MOB3B: variants seen among roughly 807,000 people sequenced by gnomAD.
MOB3B encodes MOB kinase activator 3B, also known as MOB kinase activator-like 2B.
MOB3B carries 7 observed loss-of-function variants against 18.7 expected under a neutral mutation model. The observed-to-expected ratio is 0.37, with a 90% CI of 0.21 to 0.70. MOB3B has a LOEUF of 0.70. Ranked by LOEUF, MOB3B falls within the 30% of genes least tolerant of loss-of-function variation. The probability of loss-of-function intolerance (pLI) is 0.52; values close to 1 mark genes in which losing one functional copy is unlikely to be tolerated. For synonymous variants in MOB3B, 111 were observed against 99.9 expected (o/e 1.11, Z -0.66); for missense variants, 253 against 281.3 (o/e 0.90, Z 0.72).
At chr9:27,443,919 G>A (rs1469759890) in intron 2 of MOB3B, among the ~76,000 whole-genome samples, 2 of 152,024 alleles carry the variant, frequency 1.3e-5, no homozygotes, top group Admixed American at 1.3e-4. Context: ...AGCATGAATG[G>A]CATATGTATG....
intron 1 of MOB3B, chr9:27,525,033 TA>T (rs1430488400): frequency 7.8e-7 from 1 of 1,285,376 alleles, no homozygotes; most frequent in Non-Finnish European, 1.1e-6. Flanking sequence ...AACTTCTTTT[TA>T]AGGATTGTTG....
chr9:27,396,511 A>G (rs1238349298), intron 2 of MOB3B, among the ~76,000 whole-genome samples: 2 of 152,280 alleles, frequency 1.3e-5, no homozygotes, highest in East Asian at 3.9e-4. Context: ...TGTTGCTTGC[A>G]ACCAAGGAGC....
chr9:27,382,871 A>G (rs1172569577), intron 2 of MOB3B, among the ~76,000 whole-genome samples: 1 of 152,114 alleles, frequency 6.6e-6, no homozygotes, highest in African/African-American at 2.4e-5. Flanking sequence ...AAGCCCCACA[A>G]TAATCTCATG....
intron 2 of MOB3B, among the ~76,000 whole-genome samples, chr9:27,446,597 G>C (rs1006247008): frequency 1.3e-5 from 2 of 152,128 alleles, no homozygotes; most frequent in African/African-American, 2.4e-5. Context: ...TTGATCCTTA[G>C]TTCTTTCTAA....
At chr9:27,357,776 G>A (rs776997573) in intron 3 of MOB3B, among the ~76,000 whole-genome samples, 3 of 151,154 alleles carry the variant, frequency 2.0e-5, no homozygotes, top group Admixed American at 2.0e-4. Flanking sequence ...ACCTGGCCAG[G>A]CATGGTGGCT....
chr9:27,408,279 G>A (rs1265912859), intron 2 of MOB3B, among the ~76,000 whole-genome samples: 5 of 152,192 alleles, frequency 3.3e-5, no homozygotes, highest in Non-Finnish European at 5.9e-5. Flanking sequence ...TGGAGTTGAT[G>A]AAGCAGGGAA....
chr9:27,437,095 G>C (rs551376360), intron 2 of MOB3B, among the ~76,000 whole-genome samples: 27 of 152,298 alleles, frequency 1.8e-4, no homozygotes, highest in Non-Finnish European at 2.6e-4. Flanking sequence ...TGAAAGAGGA[G>C]ATGGCAAAAG....
At chr9:27,524,094 ATTTT>A (rs2131509910) in intron 1 of MOB3B, among the ~76,000 whole-genome samples, 1 of 133,202 alleles carries the variant, frequency 7.5e-6, no homozygotes, top group South Asian at 2.4e-4. Context: ...TTCTTTGCTC[ATTTT>A]TCAGGGAAAA....
At chr9:27,439,125 T>C (rs1437442454) in intron 2 of MOB3B, among the ~76,000 whole-genome samples, 1 of 152,142 alleles carries the variant, frequency 6.6e-6, no homozygotes, top group East Asian at 1.9e-4. Context: ...ATTATCCTAT[T>C]AAGACCTTAC....
chr9:27,481,492 A>G lies in MOB3B; in HGVS notation c.-198-25744T>C, dbSNP rs1299436227. ...TGGTAAGCGTGTACCTGTCTAAGGA[A>G]GGTAGTTTTTTTTTTTTTGTTTTTT... On this transcript the variant is annotated intron_variant, in intron 1 of 3. Coordinates refer to ENST00000262244, the MANE Select transcript of MOB3B (RefSeq NM_024761.5). Among the ~76,000 whole-genome samples the G allele has an allele frequency of 7.8e-5, 11 of 140,926 alleles. No homozygotes were observed. In the Admixed American group the frequency reaches 8.2e-4, roughly 11 times the overall value. The allele number at this position is 140,926 out of a possible 152,430, so 92.5% of individuals were successfully genotyped here. A position where few individuals can be genotyped will look rare whatever the true frequency, so the allele number is the denominator to read the frequency against.
chr9:27,333,004 A>AT (rs903808008), intron 3 of MOB3B, among the ~76,000 whole-genome samples: 1 of 152,180 alleles, frequency 6.6e-6, no homozygotes, highest in East Asian at 1.9e-4. Context: ...AAAATGCCAG[A>AT]TTTTTTTCTT....
At chr9:27,387,131 C>T (rs945541278) in intron 2 of MOB3B, among the ~76,000 whole-genome samples, 2 of 152,064 alleles carry the variant, frequency 1.3e-5, no homozygotes, top group Non-Finnish European at 2.9e-5. Context: ...AAGTTGGATG[C>T]CTCCTTTAAA....
intron 2 of MOB3B, among the ~76,000 whole-genome samples, chr9:27,404,910 T>A (rs931809049): frequency 1.3e-5 from 2 of 152,106 alleles, no homozygotes; most frequent in Non-Finnish European, 2.9e-5. Flanking sequence ...TTTCTCCACA[T>A]CCTCACCAGC....
chr9:27,479,814 G>C (rs1345792682), intron 1 of MOB3B, among the ~76,000 whole-genome samples: 1 of 152,158 alleles, frequency 6.6e-6, no homozygotes, highest in Non-Finnish European at 1.5e-5. Flanking sequence ...CTCGTGCTTT[G>C]GGAGGCCAAG....
chr9:27,462,590 C>A (rs1014937550), intron 1 of MOB3B, among the ~76,000 whole-genome samples: 2 of 152,122 alleles, frequency 1.3e-5, no homozygotes, highest in Non-Finnish European at 2.9e-5. Flanking sequence ...CACTCTGAAC[C>A]TTCAGTGGAT....
At chr9:27,513,878 T>TA (rs1820183094) in intron 1 of MOB3B, among the ~76,000 whole-genome samples, 2 of 150,558 alleles carry the variant, frequency 1.3e-5, no homozygotes, top group Non-Finnish European at 3.0e-5. Context: ...AAAGGATGGA[T>TA]AAACAGATGG....
chr9:27,517,211 G>A (rs564725365), intron 1 of MOB3B, among the ~76,000 whole-genome samples: 3 of 152,072 alleles, frequency 2.0e-5, no homozygotes, highest in Admixed American at 6.6e-5. Context: ...CTGCCTCCAG[G>A]AACCTCTGCA....
intron 1 of MOB3B, among the ~76,000 whole-genome samples, chr9:27,482,739 T>C (rs1587247678): frequency 6.6e-6 from 1 of 152,346 alleles, no homozygotes; most frequent in East Asian, 1.9e-4. Context: ...TTGAGGTTCC[T>C]GACAAAATCC....
intron 2 of MOB3B, among the ~76,000 whole-genome samples, chr9:27,438,305 G>A (rs967749505): frequency 6.6e-6 from 1 of 152,186 alleles, no homozygotes. Context: ...TCCTACCCAG[G>A]TCTGGGAGCT....
Sources: gnomAD v4.1 joint callset for allele counts (sites outside exome capture counted in the v4.1 genomes callset) on GRCh38, gnomAD v4.1.1 for gene constraint, MANE v1.5 for transcripts, NCBI Gene and HGNC (gene_info 2026-07-23, HGNC 2026-07-21) for gene names.